The following AGMO variants were observed in gnomAD, a reference collection of about 807,000 sequenced individuals.
The protein encoded by AGMO is glyceryl-ether monooxygenase.
AGMO carries 75 observed loss-of-function variants against 60.2 expected under a neutral mutation model. The ratio of observed to expected loss-of-function variants is 1.25; its 90% CI spans 1.03 to 1.51. The LOEUF is 1.51. Ranked by LOEUF, AGMO falls within the 40% of genes most tolerant of loss-of-function variation. The probability of loss-of-function intolerance (pLI) is 0.00; values close to 1 mark genes in which losing one functional copy is unlikely to be tolerated. For missense variants in AGMO, 763 were observed against 525.5 expected (o/e 1.45, Z -4.42); for synonymous variants, 261 against 177.1 (o/e 1.47, Z -3.76).
the AGMO span, among the ~76,000 whole-genome samples, chr7:15,150,450 T>C: frequency 3.9e-5 from 6 of 152,266 alleles, no homozygotes; most frequent in Non-Finnish European, 8.8e-5. Context: ...TTGTCATAGA[T>C]GGCTCTTATT....
In AGMO at chr7:15,527,008, CCT is replaced by C. The variant is rs556163402; in HGVS notation, c.409+17762_409+17763del. 5.6e-3 allele frequency among the ~76,000 whole-genome samples: 857 copies of C among 152,194 alleles called. 9 individuals are homozygous for C. Among genetic ancestry groups the C allele is most frequent in the Non-Finnish European group, 6.2e-3 (420 of 68,016 alleles). ...GAGTACTCCACTTACCTGCAGTTCC[CCT>C]GTCTTTCTCTCTCTCATTGTGCCTC... On this transcript the variant is annotated intron_variant, in intron 3 of 12. Transcript: ENST00000342526.
intron 3 of AGMO, among the ~76,000 whole-genome samples, chr7:15,466,468 A>C (rs940780867): frequency 2.6e-5 from 4 of 152,202 alleles, no homozygotes; most frequent in African/African-American, 9.6e-5. Context: ...AATTTTCACA[A>C]CTTCCTGAAG....
At chr7:15,453,081 G>C (rs894693271) in intron 3 of AGMO, among the ~76,000 whole-genome samples, 12 of 151,270 alleles carry the variant, frequency 7.9e-5, no homozygotes, top group Non-Finnish European at 1.6e-4. Context: ...AGGGGAAATG[G>C]GAAGTCATTG....
intron 3 of AGMO, among the ~76,000 whole-genome samples, chr7:15,464,113 T>A (rs140593508): frequency 6.6e-6 from 1 of 152,318 alleles, no homozygotes; most frequent in Admixed American, 6.5e-5. Context: ...ACAGTCCCGA[T>A]CACTTACAGA....
Position 15,476,900 on chromosome 7 carries a change from A to T in AGMO, c.410-45792T>A, listed in dbSNP as rs568229119. Among the ~76,000 whole-genome samples the T allele has an allele frequency of 2.6e-5, 4 of 152,180 alleles. No homozygotes were observed. In the East Asian group the frequency reaches 7.7e-4, roughly 29 times the overall value. Reference sequence around the variant, plus strand: ...GAAACAGAGATGGTTAAATGATATAAATGAAATACCTTGCTTGCTAGTTGA... The same window carrying T: ...GAAACAGAGATGGTTAAATGATATATATGAAATACCTTGCTTGCTAGTTGA... On this transcript the variant is annotated intron_variant, in intron 3 of 12. Coordinates refer to ENST00000342526, the MANE Select transcript of AGMO (RefSeq NM_001004320.2).
chr7:15,247,459 C>CAGAGAGAGAG (rs35939832), intron 12 of AGMO, among the ~76,000 whole-genome samples: 1,278 of 115,144 alleles, frequency 0.011, 28 homozygotes, highest in African/African-American at 0.041. Flanking sequence ...CACACACACA[C>CAGAGAGAGAG]AGAGAGAGAG....
chr7:15,345,786 T>C (rs549942810), intron 12 of AGMO, among the ~76,000 whole-genome samples: 11 of 152,274 alleles, frequency 7.2e-5, no homozygotes, highest in Admixed American at 5.9e-4. Flanking sequence ...TATTCACCCA[T>C]CTGATAAATC....
intron 3 of AGMO, among the ~76,000 whole-genome samples, chr7:15,518,848 G>C (rs943032325): frequency 6.6e-6 from 1 of 151,896 alleles, no homozygotes; most frequent in African/African-American, 2.4e-5. Context: ...GCTTTCAGAA[G>C]GTGGGTAATA....
the AGMO span, among the ~76,000 whole-genome samples, chr7:15,194,028 T>C: frequency 6.6e-6 from 1 of 152,294 alleles, no homozygotes; most frequent in African/African-American, 2.4e-5. Flanking sequence ...TAACAATCAA[T>C]CTCTTAATTT....
chr7:15,427,514 G>C (rs886709789), intron 4 of AGMO, among the ~76,000 whole-genome samples: 1 of 152,072 alleles, frequency 6.6e-6, no homozygotes, highest in Non-Finnish European at 1.5e-5. Context: ...TTCTGTTTTA[G>C]AGTTCCATCC....
intron 3 of AGMO, among the ~76,000 whole-genome samples, chr7:15,536,476 G>T (rs1028596732): frequency 2.6e-5 from 4 of 151,832 alleles, no homozygotes; most frequent in Non-Finnish European, 4.4e-5. Context: ...TCAGAAATTT[G>T]TAAATTTCAG....
chr7:15,509,080 G>A (rs77910521), intron 3 of AGMO, among the ~76,000 whole-genome samples: 1 of 152,132 alleles, frequency 6.6e-6, no homozygotes, highest in East Asian at 1.9e-4. Flanking sequence ...ATGCAATCAG[G>A]TAAAAGGAAC....
intron 3 of AGMO, among the ~76,000 whole-genome samples, chr7:15,457,536 C>G (rs1005990001): frequency 6.6e-6 from 1 of 152,104 alleles, no homozygotes; most frequent in East Asian, 1.9e-4. Flanking sequence ...TCATGTATTG[C>G]AATTATGATG....
intron 12 of AGMO, among the ~76,000 whole-genome samples, chr7:15,292,457 T>C (rs575607549): frequency 2.6e-5 from 4 of 152,272 alleles, no homozygotes; most frequent in East Asian, 1.9e-4. Flanking sequence ...AGATTCTTAC[T>C]GGAGGAACTA....
intron 5 of AGMO, chr7:15,395,986 T>C (rs1784360985): frequency 6.6e-6 from 1 of 152,192 alleles, no homozygotes; most frequent in Non-Finnish European, 1.5e-5. Context: ...AAGCGGATCC[T>C]TCTCTGGGAC....
intron 12 of AGMO, among the ~76,000 whole-genome samples, chr7:15,207,656 C>T (rs772905243): frequency 7.2e-5 from 11 of 152,178 alleles, no homozygotes; most frequent in African/African-American, 9.7e-5. Flanking sequence ...GAAAATAGGC[C>T]GGGCGTGGTG....
chr7:15,237,072 G>A (rs975584755), intron 12 of AGMO, among the ~76,000 whole-genome samples: 5 of 152,114 alleles, frequency 3.3e-5, no homozygotes, highest in Non-Finnish European at 4.4e-5. Context: ...TAAGCATTGT[G>A]AAATCAGTCT....
chr7:15,429,402 G>A (rs1781164842), intron 4 of AGMO, among the ~76,000 whole-genome samples: 1 of 152,068 alleles, frequency 6.6e-6, no homozygotes, highest in African/African-American at 2.4e-5. Context: ...AGAACGCCAT[G>A]TGAAAATAAG....
intron 3 of AGMO, among the ~76,000 whole-genome samples, chr7:15,465,065 A>G (rs759415826): frequency 2.0e-5 from 3 of 152,056 alleles, no homozygotes; most frequent in Non-Finnish European, 4.4e-5. Context: ...CTTTTACTGG[A>G]GAAATTTATT....
Sources: allele counts gnomAD v4.1 joint callset (sites outside exome capture counted in the v4.1 genomes callset), GRCh38; gene constraint gnomAD v4.1.1; transcripts MANE v1.5; gene names NCBI Gene and HGNC (gene_info 2026-07-23, HGNC 2026-07-21).